The following NLK variants were observed in gnomAD, a reference collection of about 807,000 sequenced individuals.
The protein encoded by NLK is nemo like kinase, also known as serine/threonine-protein kinase NLK.
NLK carries 11 observed loss-of-function variants against 59.0 expected under a neutral mutation model. The observed-to-expected ratio is 0.19, with a 90% CI of 0.12 to 0.31. NLK has a LOEUF of 0.31. Ranked by LOEUF, NLK falls within the 10% of genes least tolerant of loss-of-function variation. The pLI is 1.00. For synonymous variants in NLK, 235 were observed against 235.9 expected, an observed-to-expected ratio of 1.00 and a Z score of 0.03; for missense variants, 410 against 661.1, an observed-to-expected ratio of 0.62 and a Z score of 4.16.
chr17:28,184,282 A>T (rs550999252), intron 7 of NLK, among the ~76,000 whole-genome samples: 3 of 152,364 alleles, frequency 2.0e-5, no homozygotes, highest in Admixed American at 6.5e-5. Flanking sequence ...CATAAGACAT[A>T]GTTCACATTC....
intron 8 of NLK, among the ~76,000 whole-genome samples, chr17:28,188,679 A>G (rs1334289315): frequency 6.6e-6 from 1 of 152,132 alleles, no homozygotes; most frequent in African/African-American, 2.4e-5. Flanking sequence ...ACAGGATTTC[A>G]CCGTGTTGAC....
intron 7 of NLK, among the ~76,000 whole-genome samples, chr17:28,178,248 A>G (rs1186674181): frequency 6.6e-6 from 1 of 152,158 alleles, no homozygotes; most frequent in African/African-American, 2.4e-5. Context: ...GGAGCTGGTC[A>G]TGGTGCTCAG....
At chr17:28,154,609 G>T (rs1907622907) in intron 3 of NLK, among the ~76,000 whole-genome samples, 1 of 152,074 alleles carries the variant, frequency 6.6e-6, no homozygotes, top group Non-Finnish European at 1.5e-5. Flanking sequence ...CATTTGAAAT[G>T]ATATAAAAGA....
chr17:28,169,714 T>G lies in NLK; in HGVS notation c.1047+1057T>G, dbSNP rs368756653. On this transcript the variant is annotated intron_variant, in intron 6 of 10. Transcript: ENST00000407008. ...TCTGTGTTCCTTTTTTTTTGCTGCTTCTTCTTCTTTTTTTTTTTTTTTTTT... is the reference window on the plus strand; with the variant it reads ...TCTGTGTTCCTTTTTTTTTGCTGCTGCTTCTTCTTTTTTTTTTTTTTTTTT... Among the ~76,000 whole-genome samples, 1,228 of 148,354 alleles carry G rather than the reference T, an allele frequency of 8.3e-3. 8 individuals are homozygous for G. Among genetic ancestry groups the G allele is most frequent in the South Asian group, 0.026 (125 of 4,782 alleles).
intron 1 of NLK, among the ~76,000 whole-genome samples, chr17:28,085,651 G>A (rs1255616224): frequency 8.5e-5 from 13 of 152,146 alleles, no homozygotes; most frequent in Admixed American, 8.5e-4. Flanking sequence ...TGAGACAGGA[G>A]AACCGCTTGA....
chr17:28,167,052 T>C (rs1010941556), intron 5 of NLK, among the ~76,000 whole-genome samples: 1 of 152,242 alleles, frequency 6.6e-6, no homozygotes, highest in Admixed American at 6.5e-5. Context: ...ATGGAATGCC[T>C]AAAGTCAGAA....
chr17:28,092,918 C>G (rs1408596928), intron 1 of NLK, among the ~76,000 whole-genome samples: 1 of 151,948 alleles, frequency 6.6e-6, no homozygotes, highest in Non-Finnish European at 1.5e-5. Flanking sequence ...GTCTCAGCCT[C>G]CCGAGTAGCT....
At chr17:28,121,175 C>T (rs1313331058) in intron 1 of NLK, among the ~76,000 whole-genome samples, 28 of 151,800 alleles carry the variant, frequency 1.8e-4, no homozygotes, top group Admixed American at 1.4e-3. Flanking sequence ...CCTCAGCCTC[C>T]GAAAGTGCTG....
chr17:28,086,067 AT>A (rs1157890988), intron 1 of NLK, among the ~76,000 whole-genome samples: 3 of 152,152 alleles, frequency 2.0e-5, no homozygotes, highest in Non-Finnish European at 2.9e-5. Flanking sequence ...AAATTGCCAC[AT>A]TTTTCCCCCA....
chr17:28,065,363 G>A (rs1036299117), intron 1 of NLK, among the ~76,000 whole-genome samples: 10 of 152,064 alleles, frequency 6.6e-5, no homozygotes, highest in African/African-American at 2.4e-4. Flanking sequence ...GGAATTTCAT[G>A]TACAAAGTCA....
chr17:28,120,888 G>A (rs987945898), intron 1 of NLK, among the ~76,000 whole-genome samples: 1 of 152,170 alleles, frequency 6.6e-6, no homozygotes, highest in Admixed American at 6.5e-5. Flanking sequence ...GCAATTTGAT[G>A]AGTGTCTGAT....
At chr17:28,151,061 T>G (rs1182541998) in intron 3 of NLK, among the ~76,000 whole-genome samples, 3 of 152,178 alleles carry the variant, frequency 2.0e-5, no homozygotes, top group South Asian at 2.1e-4. Context: ...CCTCATTAAA[T>G]TTCTCAGAAA....
intron 1 of NLK, among the ~76,000 whole-genome samples, chr17:28,117,283 T>G (rs1905820989): frequency 6.6e-6 from 1 of 152,202 alleles, no homozygotes; most frequent in African/African-American, 2.4e-5. Context: ...TAGCATAAAA[T>G]GATTTTCAGC....
intron 1 of NLK, among the ~76,000 whole-genome samples, chr17:28,063,638 G>A (rs760801463): frequency 3.3e-5 from 5 of 152,138 alleles, no homozygotes; most frequent in Non-Finnish European, 7.4e-5. Context: ...TGCTTATATA[G>A]TCAAACTTGT....
chr17:28,153,428 G>A (rs1459270344), intron 3 of NLK, among the ~76,000 whole-genome samples: 1 of 152,138 alleles, frequency 6.6e-6, no homozygotes, highest in East Asian at 1.9e-4. Flanking sequence ...GGTGTCTGCC[G>A]AGGGCCCATT....
chr17:28,155,216 A>G (rs1327764951), intron 3 of NLK, among the ~76,000 whole-genome samples: 9 of 152,152 alleles, frequency 5.9e-5, no homozygotes, highest in African/African-American at 1.7e-4. Context: ...TTAGAACCTT[A>G]TATTTTATTA....
intron 1 of NLK, among the ~76,000 whole-genome samples, chr17:28,103,576 A>G (rs1225477987): frequency 1.3e-5 from 2 of 152,234 alleles, no homozygotes; most frequent in Non-Finnish European, 2.9e-5. Context: ...GGAAATATGC[A>G]TAGATTTTAA....
chr17:28,059,132 A>T (rs867838954), intron 1 of NLK, among the ~76,000 whole-genome samples: 4 of 152,264 alleles, frequency 2.6e-5, no homozygotes, highest in Middle Eastern at 3.4e-3. Flanking sequence ...TCTCAAAAAA[A>T]AAAAAATAAA....
chr17:28,104,043 ATTCT>A (rs1198688606), intron 1 of NLK, among the ~76,000 whole-genome samples: 2 of 152,206 alleles, frequency 1.3e-5, no homozygotes, highest in African/African-American at 2.4e-5. Context: ...AAATTCCTAT[ATTCT>A]TTAAGAACAG....
Sources: gnomAD v4.1 joint callset for allele counts (sites outside exome capture counted in the v4.1 genomes callset) on GRCh38, gnomAD v4.1.1 for gene constraint, MANE v1.5 for transcripts, NCBI Gene and HGNC (gene_info 2026-07-23, HGNC 2026-07-21) for gene names.